USH2A: variants seen among roughly 807,000 people sequenced by gnomAD.
USH2A encodes the protein usherin.
A neutral mutation model predicts 538.9 loss-of-function variants in USH2A; 443 were observed. That is an observed-to-expected ratio of 0.82 (90% CI 0.76 to 0.89). USH2A has a LOEUF of 0.89. Ranked by LOEUF, USH2A falls within the 40% of genes least tolerant of loss-of-function variation. The pLI is 0.00. For missense variants in USH2A, 6,633 were observed against 6,324.8 expected, an observed-to-expected ratio of 1.05 and a Z score of -1.65; for synonymous variants, 2,413 against 2,273.5, an observed-to-expected ratio of 1.06 and a Z score of -1.75.
At chr1:216,060,788 C>A (rs116190849) in intron 30 of USH2A, among the ~76,000 whole-genome samples, 2 of 152,132 alleles carry the variant, frequency 1.3e-5, no homozygotes, top group African/African-American at 4.8e-5. Context: ...CGTATATGTG[C>A]GAAGTCTTGA....
chr1:216,302,930 T>G (rs1328260397), intron 9 of USH2A, among the ~76,000 whole-genome samples: 1 of 152,100 alleles, frequency 6.6e-6, no homozygotes, highest in African/African-American at 2.4e-5. Flanking sequence ...CAGTATTTCC[T>G]TACTGTAGGC....
intron 14 of USH2A, among the ~76,000 whole-genome samples, chr1:216,225,866 C>T (rs949502984): frequency 5.3e-5 from 8 of 152,008 alleles, no homozygotes; most frequent in African/African-American, 1.5e-4. Flanking sequence ...GACTTGCAAG[C>T]GTAAAACTCA....
chr1:215,879,225 G>T, intron 41 of USH2A, 127 bp from the exon 42 acceptor site: 1 of 792,602 alleles, frequency 1.3e-6, no homozygotes, highest in Non-Finnish European at 2.2e-6. Context: ...ATTCTCCTGA[G>T]GCCTTTGGAC....
chr1:216,275,968 T>C (rs150412766), intron 11 of USH2A, among the ~76,000 whole-genome samples: 1 of 152,294 alleles, frequency 6.6e-6, no homozygotes, highest in African/African-American at 2.4e-5. Flanking sequence ...GGTTTCCTCT[T>C]AAGTGCTGAA....
At chr1:215,786,634 C>T in intron 52 of USH2A, 36 bp downstream of exon 52, 1 of 1,610,854 alleles carries the variant, frequency 6.2e-7, no homozygotes, top group Non-Finnish European at 8.5e-7. Flanking sequence ...TCACTAACCC[C>T]ATTAAGCCAT....
intron 32 of USH2A, among the ~76,000 whole-genome samples, chr1:216,018,543 G>A (rs1468876602): frequency 6.6e-6 from 1 of 152,136 alleles, no homozygotes; most frequent in African/African-American, 2.4e-5. Flanking sequence ...TCTTTATTGT[G>A]TCTTACGTTG....
At chr1:215,754,910 C>T (rs1349729993) in intron 58 of USH2A, among the ~76,000 whole-genome samples, 1 of 152,140 alleles carries the variant, frequency 6.6e-6, no homozygotes, top group Admixed American at 6.6e-5. Flanking sequence ...GTAGGTAAAG[C>T]TTTCTAGTTA....
At position 216,183,038 on chromosome 1, in the gene USH2A, A is replaced by G. The variant is rs183488532; in HGVS notation, c.4396+7185T>C. Among the ~76,000 whole-genome samples the G allele has an allele frequency of 2.3e-3, 353 of 152,164 alleles. 1 individual carries two copies. Among genetic ancestry groups the G allele is most frequent in the Non-Finnish European group, 3.8e-3 (258 of 67,984 alleles). ...AAGTTAGTATAAAATGTTACATCCA[A>G]TTGTTACCTTAGGGGTCATGGTATT... is the stretch of plus-strand genomic sequence containing the variant. On this transcript the variant is annotated intron_variant, in intron 20 of 71. Coordinates refer to ENST00000307340, the MANE Select transcript of USH2A (RefSeq NM_206933.4).
intron 47 of USH2A, among the ~76,000 whole-genome samples, chr1:215,836,621 A>T (rs1663540265): frequency 8.8e-6 from 1 of 114,104 alleles, no homozygotes; most frequent in East Asian, 2.6e-4. Context: ...CAGTGGCGTG[A>T]TCTCGGCTCA....
At chr1:216,145,065 TC>T (rs1357189610) in intron 21 of USH2A, among the ~76,000 whole-genome samples, 1 of 152,336 alleles carries the variant, frequency 6.6e-6, no homozygotes, top group East Asian at 1.9e-4. Flanking sequence ...TCTGCTGCTC[TC>T]TGCTCTATAC....
chr1:215,725,899 A>C (rs1659802524), intron 61 of USH2A, among the ~76,000 whole-genome samples: 1 of 152,164 alleles, frequency 6.6e-6, no homozygotes, highest in Non-Finnish European at 1.5e-5. Context: ...GAGTTCATGG[A>C]TTCATCATAT....
At chr1:216,174,122 G>T in intron 21 of USH2A, 2 of 985,186 alleles carry the variant, frequency 2.0e-6, no homozygotes, top group Non-Finnish European at 1.2e-6. Context: ...TCAGCAGCCA[G>T]TCTCAATGAA....
chr1:216,188,057 G>C (rs745859649), intron 20 of USH2A, among the ~76,000 whole-genome samples: 2 of 151,922 alleles, frequency 1.3e-5, no homozygotes, highest in African/African-American at 4.8e-5. Context: ...AAAAAAAATA[G>C]AGAGAGGATT....
chr1:215,888,227 T>C (rs1191286379), intron 41 of USH2A, among the ~76,000 whole-genome samples, 199 bp downstream of exon 41: 1 of 152,220 alleles, frequency 6.6e-6, no homozygotes, highest in African/African-American at 2.4e-5. Flanking sequence ...AACAATATAA[T>C]TAAGGGGATA....
intron 32 of USH2A, among the ~76,000 whole-genome samples, chr1:216,038,346 G>A (rs572933969): frequency 9.9e-5 from 15 of 152,110 alleles, no homozygotes; most frequent in African/African-American, 3.6e-4. Flanking sequence ...GCTTGTTTCA[G>A]ACTGATGTCT....
intron 21 of USH2A, among the ~76,000 whole-genome samples, chr1:216,169,523 C>T (rs80219605): frequency 0.016 from 2,386 of 152,140 alleles, 67 homozygotes; most frequent in African/African-American, 0.054. Context: ...TTACTTATAC[C>T]TCTCTACTAA....
chr1:215,654,558 C>T (rs1014048339), intron 64 of USH2A, among the ~76,000 whole-genome samples: 14 of 152,160 alleles, frequency 9.2e-5, no homozygotes, highest in African/African-American at 2.9e-4. Flanking sequence ...CTTCCCTAGT[C>T]GTTAATAATG....
At chr1:215,842,035 G>A (rs908758837) in intron 46 of USH2A, among the ~76,000 whole-genome samples, 1 of 152,092 alleles carries the variant, frequency 6.6e-6, no homozygotes, top group African/African-American at 2.4e-5. Flanking sequence ...TCAAAAAGTA[G>A]ATACTTGGCT....
At chr1:215,693,110 G>GTGTA (rs1553253910) in intron 61 of USH2A, among the ~76,000 whole-genome samples, 1 of 93,610 alleles carries the variant, frequency 1.1e-5, no homozygotes, top group African/African-American at 3.2e-5. Context: ...GTGTGTGTGT[G>GTGTA]TATGTGTATA....
Sources: allele counts gnomAD v4.1 joint callset (sites outside exome capture counted in the v4.1 genomes callset), GRCh38; gene constraint gnomAD v4.1.1; transcripts MANE v1.5; gene names NCBI Gene and HGNC (gene_info 2026-07-23, HGNC 2026-07-21).